The following CNTN4 variants were observed in gnomAD, a reference collection of about 807,000 sequenced individuals.
CNTN4 encodes the protein contactin-4.
A neutral mutation model predicts 122.5 loss-of-function variants in CNTN4; 77 were observed. The observed-to-expected ratio is 0.63, with a 90% CI of 0.52 to 0.76. The LOEUF (loss-of-function observed/expected upper bound fraction) is 0.76, where lower values mean the gene tolerates loss of function less well. Among genes scored for constraint, CNTN4 ranks in the 30% least tolerant of loss-of-function variants. The probability of loss-of-function intolerance (pLI) is 0.00; values close to 1 mark genes in which losing one functional copy is unlikely to be tolerated. For missense variants in CNTN4, 1,256 were observed against 1,259.1 expected, an observed-to-expected ratio of 1.00 and a Z score of 0.04; for synonymous variants, 512 against 447.0, an observed-to-expected ratio of 1.15 and a Z score of -1.83.
At chr3:2,332,340 C>T (rs1161682634) in intron 2 of CNTN4, among the ~76,000 whole-genome samples, 2 of 152,070 alleles carry the variant, frequency 1.3e-5, no homozygotes, top group Non-Finnish European at 2.9e-5. Flanking sequence ...AGTAATCTCT[C>T]CAAATAAGTA....
At chr3:2,807,635 G>C (rs963281627) in intron 6 of CNTN4, among the ~76,000 whole-genome samples, 3 of 152,154 alleles carry the variant, frequency 2.0e-5, no homozygotes, top group African/African-American at 7.2e-5. Flanking sequence ...CCATACCTTT[G>C]ATTTCCCTAA....
chr3:2,463,266 T>A (rs2049296518), intron 3 of CNTN4, among the ~76,000 whole-genome samples: 1 of 151,890 alleles, frequency 6.6e-6, no homozygotes, highest in Non-Finnish European at 1.5e-5. Context: ...AAGAGCATAC[T>A]TTTGAAATAA....
chr3:2,880,441 C>T (rs544783311), intron 8 of CNTN4, among the ~76,000 whole-genome samples: 5 of 152,312 alleles, frequency 3.3e-5, no homozygotes, highest in African/African-American at 4.8e-5. Flanking sequence ...TTGCTCACTG[C>T]GCTCAAAGTC....
intron 3 of CNTN4, among the ~76,000 whole-genome samples, chr3:2,343,243 A>G (rs2044274737): frequency 1.3e-5 from 2 of 152,126 alleles, no homozygotes; most frequent in South Asian, 2.1e-4. Flanking sequence ...CCCACAACCA[A>G]TTAACAAAGG....
intron 3 of CNTN4, among the ~76,000 whole-genome samples, chr3:2,409,585 A>G (rs1342670809): frequency 6.6e-6 from 1 of 152,106 alleles, no homozygotes; most frequent in Non-Finnish European, 1.5e-5. Flanking sequence ...TGGTTGCATT[A>G]TAGCAATCAT....
intron 4 of CNTN4, among the ~76,000 whole-genome samples, chr3:2,674,207 C>T (rs2084702268): frequency 6.6e-6 from 1 of 152,104 alleles, no homozygotes; most frequent in African/African-American, 2.4e-5. Context: ...ATAAAAGTAG[C>T]CTTTTTAAGG....
intron 3 of CNTN4, among the ~76,000 whole-genome samples, chr3:2,565,920 A>G (rs1474326492): frequency 3.3e-5 from 5 of 152,306 alleles, no homozygotes; most frequent in South Asian, 2.1e-4. Flanking sequence ...GAATGGTAGC[A>G]CTCTAAATAA....
chr3:2,696,850 A>AC, intron 4 of CNTN4, among the ~76,000 whole-genome samples: 1 of 140,494 alleles, frequency 7.1e-6, no homozygotes, highest in East Asian at 2.3e-4. Flanking sequence ...TGTCTCATGA[A>AC]TTATTTGTAT....
chr3:2,891,714 G>A (rs1189722489), intron 10 of CNTN4, among the ~76,000 whole-genome samples: 1 of 152,156 alleles, frequency 6.6e-6, no homozygotes, highest in African/African-American at 2.4e-5. Flanking sequence ...GTGAGCAAGG[G>A]GCAAAGGTTT....
intron 23 of CNTN4, among the ~76,000 whole-genome samples, chr3:3,050,702 G>A (rs1701172251): frequency 6.9e-6 from 1 of 144,408 alleles, no homozygotes; most frequent in African/African-American, 2.6e-5. Flanking sequence ...GGCGGAGGTT[G>A]TAGTGAGCTG....
chr3:2,824,449 T>C (rs1258631600), intron 7 of CNTN4, among the ~76,000 whole-genome samples: 1 of 142,956 alleles, frequency 7.0e-6, no homozygotes, highest in Non-Finnish European at 1.5e-5. Flanking sequence ...AGAGCGAGAC[T>C]CTGGCTCAAA....
chr3:2,398,409 A>G (rs2046717494), intron 3 of CNTN4, among the ~76,000 whole-genome samples: 1 of 152,122 alleles, frequency 6.6e-6, no homozygotes, highest in Non-Finnish European at 1.5e-5. Flanking sequence ...AAATTTTTTC[A>G]TGTTTAATAT....
chr3:2,386,032 G>A (rs533152935), intron 3 of CNTN4, among the ~76,000 whole-genome samples: 1 of 152,052 alleles, frequency 6.6e-6, no homozygotes, highest in Admixed American at 6.6e-5. Context: ...ACTATACCTT[G>A]CACACACTAC....
intron 2 of CNTN4, among the ~76,000 whole-genome samples, chr3:2,324,049 A>T (rs1305423353): frequency 6.6e-6 from 1 of 152,152 alleles, no homozygotes; most frequent in Non-Finnish European, 1.5e-5. Context: ...ATTATAGGAT[A>T]TTTATCAGCA....
At position 2,881,168 on chromosome 3, in the gene CNTN4, A is replaced by G. The variant is rs1487978695; in HGVS notation, c.653-1977A>G. ...ACCCAGGGTTGATTCTGTTTCTCAC[A>G]GTTTGAGGAGATCCTCTTGATGCTT... On this transcript the variant is annotated intron_variant, in intron 8 of 24. Transcript: ENST00000418658. 2.6e-5 allele frequency among the ~76,000 whole-genome samples: 4 copies of G among 152,204 alleles called. No homozygotes were observed. In the East Asian group the frequency reaches 7.7e-4, roughly 29 times the overall value.
intron 10 of CNTN4, among the ~76,000 whole-genome samples, chr3:2,899,899 T>C (rs1350320922): frequency 6.6e-6 from 1 of 152,114 alleles, no homozygotes; most frequent in Admixed American, 6.5e-5. Flanking sequence ...GAGAAAGGAA[T>C]CATAAAATTG....
In CNTN4 at chr3:2,887,109, G is replaced by T. The variant is rs867785736; in HGVS notation, c.825G>T (p.Lys275Asn). The T allele has an allele frequency of 1.2e-6, 2 of 1,614,150 alleles. No individual in the cohort carries two copies. The highest frequency in any genetic ancestry group is 1.7e-6 in the Non-Finnish European group (2 of 1,180,004). ...KPIARKARRHKSNGILEIPNF... is the reference protein window; with the variant it reads ...KPIARKARRHNSNGILEIPNF... Reference sequence around the variant, plus strand: ...TAGCAAGGAAAGCCAGAAGACACAAGTCAAATGGAATTCTTGAGATCCCTA... The same window carrying T: ...TAGCAAGGAAAGCCAGAAGACACAATTCAAATGGAATTCTTGAGATCCCTA... The change falls in exon 10 of 25, where the codon AAG becomes AAT. Residue 275 changes from lysine (K) to asparagine (N), a missense_variant. Lys to Asn is a moderately conservative substitution (Grantham distance 94). Coordinates refer to ENST00000418658, the MANE Select transcript of CNTN4 (RefSeq NM_175607.3).
At chr3:2,584,501 C>T (rs1482202607) in intron 4 of CNTN4, among the ~76,000 whole-genome samples, 1 of 151,768 alleles carries the variant, frequency 6.6e-6, no homozygotes, top group Non-Finnish European at 1.5e-5. Context: ...GCCAGGAGAT[C>T]GAGAACAGCC....
intron 3 of CNTN4, among the ~76,000 whole-genome samples, chr3:2,540,188 A>G (rs2077977693): frequency 6.6e-6 from 1 of 152,034 alleles, no homozygotes; most frequent in Admixed American, 6.6e-5. Flanking sequence ...ATTACTAGCC[A>G]TAGAATTTAT....
Sources: allele counts gnomAD v4.1 joint callset (sites outside exome capture counted in the v4.1 genomes callset), GRCh38; gene constraint gnomAD v4.1.1; transcripts MANE v1.5; gene names NCBI Gene and HGNC (gene_info 2026-07-23, HGNC 2026-07-21).